TMPO: variants seen among roughly 807,000 people sequenced by gnomAD.
The protein encoded by TMPO is thymopoietin.
Under a neutral mutation model 45.4 loss-of-function variants are expected in TMPO, and 22 were observed. The ratio of observed to expected loss-of-function variants is 0.48; its 90% confidence interval spans 0.35 to 0.69. TMPO has a LOEUF of 0.69. Ranked by LOEUF, TMPO falls within the 30% of genes least tolerant of loss-of-function variation. TMPO has a pLI of 0.01. For missense variants in TMPO, 512 were observed against 548.8 expected (o/e 0.93, Z 0.67); for synonymous variants, 241 against 204.1 (o/e 1.18, Z -1.54).
chr12:98,530,255 T>G (rs937207199), intron 2 of TMPO, among the ~76,000 whole-genome samples: 3 of 151,790 alleles, frequency 2.0e-5, no homozygotes, highest in East Asian at 3.9e-4. Context: ...GAGGATTGCT[T>G]AAGCCCACAA....
At chr12:98,516,776 A>G (rs1267802569) in intron 1 of TMPO, among the ~76,000 whole-genome samples, 2 of 152,182 alleles carry the variant, frequency 1.3e-5, no homozygotes, top group African/African-American at 2.4e-5. Flanking sequence ...ATTTTAAACT[A>G]TATTTTTAGG....
At chr12:98,544,805 C>T in intron 6 of TMPO, 146 bp from the exon 7 acceptor site, 1 of 720,306 alleles carries the variant, frequency 1.4e-6, no homozygotes, top group East Asian at 2.7e-5. Flanking sequence ...ATGTGAGGCA[C>T]TAAGTTGTGT....
intron 1 of TMPO, among the ~76,000 whole-genome samples, chr12:98,527,346 A>C (rs1481344580): frequency 6.7e-6 from 1 of 149,202 alleles, no homozygotes; most frequent in African/African-American, 2.5e-5. Flanking sequence ...AAAAAAAAAA[A>C]AAAACAAAAA....
chr12:98,540,548 T>C (rs1877854383), intron 4 of TMPO, among the ~76,000 whole-genome samples: 1 of 152,098 alleles, frequency 6.6e-6, no homozygotes. Flanking sequence ...CCGGCTAATT[T>C]TGTATTTTTA....
At chr12:98,517,207 A>G (rs1301252536) in intron 1 of TMPO, among the ~76,000 whole-genome samples, 6 of 152,244 alleles carry the variant, frequency 3.9e-5, no homozygotes, top group Non-Finnish European at 7.3e-5. Context: ...GATTCAGGAA[A>G]AATTTATTTC....
At chr12:98,543,457 C>G (rs149265177) in intron 4 of TMPO, among the ~76,000 whole-genome samples, 22 of 152,328 alleles carry the variant, frequency 1.4e-4, no homozygotes, top group Non-Finnish European at 2.6e-4. Context: ...TTAAGAAGAA[C>G]TGATCTAATG....
intron 1 of TMPO, among the ~76,000 whole-genome samples, chr12:98,526,068 TTA>T (rs1222325164): frequency 6.6e-6 from 1 of 152,178 alleles, no homozygotes; most frequent in African/African-American, 2.4e-5. Flanking sequence ...CCTTGGAAAT[TTA>T]TAGTTTTTCC....
intron 4 of TMPO, among the ~76,000 whole-genome samples, chr12:98,543,365 T>C (rs1878039528): frequency 6.6e-6 from 1 of 152,236 alleles, no homozygotes; most frequent in African/African-American, 2.4e-5. Flanking sequence ...CTACTTGGAA[T>C]GCGGAATTTC....
chr12:98,550,049 G>C lies in TMPO; in HGVS notation c.*2191G>C, dbSNP rs1201727081. 1.3e-5 allele frequency: 2 copies of C among 152,268 alleles called. No homozygotes were observed. Among genetic ancestry groups the C allele is most frequent in the Admixed American group, 6.5e-5 (1 of 15,282 alleles). The allele number at this position is 152,268 out of a possible 1,614,324, so 9.4% of individuals were successfully genotyped here. ...TAGAAATTGTGAGAAGCTTCATTTA[G>C]TGTTTAAAAATGTGGGGAGATAAAT... On this transcript the variant is annotated 3_prime_UTR_variant, in exon 9 of 9. Coordinates refer to ENST00000556029, the MANE Select transcript of TMPO (RefSeq NM_001032283.3).
rs770579826 is a variant in TMPO at position 98,547,722 on chromosome 12, C to T, written c.1229C>T (p.Ser410Phe). Reference sequence around the variant, plus strand: ...TCAGAAAAGACAAAAAAGGGACGCTCCATTCCCGTATGGATAAAAATTTTG... The same window carrying T: ...TCAGAAAAGACAAAAAAGGGACGCTTCATTCCCGTATGGATAAAAATTTTG... The part of the protein sequence containing the change: ...VKSEKTKKGR[S>F]IPVWIKILLF... The change falls in exon 9 of 9, where the codon TCC becomes TTC. Residue 410 changes from serine to phenylalanine, a missense_variant. Physicochemically the swap from Ser to Phe is radical, Grantham distance 155. Around this residue, in one of 3 missense-constraint regions of TMPO, gnomAD observed 209 missense variants for 235.1 expected, o/e 0.89. Coordinates refer to ENST00000556029, the MANE Select transcript of TMPO (RefSeq NM_001032283.3). 3.7e-6 allele frequency: 6 copies of T among 1,614,012 alleles called. No homozygotes were observed. Among genetic ancestry groups the T allele is most frequent in the African/African-American group, 1.3e-5 (1 of 74,898 alleles).
intron 2 of TMPO, among the ~76,000 whole-genome samples, chr12:98,528,433 C>T (rs1043315296): frequency 2.0e-5 from 3 of 151,810 alleles, no homozygotes; most frequent in South Asian, 2.1e-4. Context: ...CCCGCTGCCA[C>T]GCCTGGCTAA....
At chr12:98,523,319 C>T (rs1046391109) in intron 1 of TMPO, among the ~76,000 whole-genome samples, 3 of 152,136 alleles carry the variant, frequency 2.0e-5, no homozygotes, top group Non-Finnish European at 2.9e-5. Flanking sequence ...TTTGGGAGGC[C>T]GAGGCAGGTG....
rs1380385924 is a variant in TMPO at position 98,549,468 on chromosome 12, A to G, written c.*1610A>G. On this transcript the variant is annotated 3_prime_UTR_variant, in exon 9 of 9. Transcript: ENST00000556029. ...TGATCCACTGCACCCGGCCGGCATTATGATTTTGTGTACTCTTGAAATGGT... is the reference window on the plus strand; with the variant it reads ...TGATCCACTGCACCCGGCCGGCATTGTGATTTTGTGTACTCTTGAAATGGT... The G allele has an allele frequency of 6.6e-6, 1 of 152,072 alleles. No individual in the cohort carries two copies. The highest frequency in any genetic ancestry group is 1.9e-4 in the East Asian group (1 of 5,186). 9.4% of individuals were successfully genotyped at this position (152,072 alleles called of 1,614,324 possible).
Position 98,548,762 on chromosome 12 carries a change from T to C in TMPO, c.*904T>C, listed in dbSNP as rs1351660150. On this transcript the variant is annotated 3_prime_UTR_variant, in exon 9 of 9. Transcript: ENST00000556029. Reference sequence around the variant, plus strand: ...ATTTGGATTCATTATTGCATTGTCTTGTTACCAGAAACAAATTTTGCCGAG... The same window carrying C: ...ATTTGGATTCATTATTGCATTGTCTCGTTACCAGAAACAAATTTTGCCGAG... 1 of 152,242 alleles carries C rather than the reference T, an allele frequency of 6.6e-6. No individual in the cohort carries two copies. The highest frequency in any genetic ancestry group is 2.4e-5 in the African/African-American group (1 of 41,462). 9.4% of individuals were successfully genotyped at this position (152,242 alleles called of 1,614,324 possible). A position where few individuals can be genotyped will look rare whatever the true frequency, so the allele number is the denominator to read the frequency against.
chr12:98,539,554 A>G (rs1326186452), intron 4 of TMPO, among the ~76,000 whole-genome samples: 1 of 147,202 alleles, frequency 6.8e-6, no homozygotes, highest in East Asian at 2.0e-4. Flanking sequence ...CTCACTTGCA[A>G]CCTCCGCCTC....
intron 1 of TMPO, chr12:98,516,463 G>A: frequency 2.6e-6 from 3 of 1,134,964 alleles, no homozygotes; most frequent in East Asian, 4.6e-5. Flanking sequence ...GCGTTTAGAC[G>A]GGGACTTCCG....
chr12:98,524,922 C>T (rs541931391), intron 1 of TMPO, among the ~76,000 whole-genome samples: 2 of 152,260 alleles, frequency 1.3e-5, no homozygotes, highest in Non-Finnish European at 2.9e-5. Flanking sequence ...ACCTCTCAGG[C>T]GGGTTTGAAA....
chr12:98,531,618 T>G, intron 2 of TMPO, 62 bp from the exon 3 acceptor site: 1 of 1,516,164 alleles, frequency 6.6e-7, no homozygotes, highest in East Asian at 2.3e-5. Context: ...CTGAAGATAG[T>G]GTCTGAGCTG....
At chr12:98,542,612 C>T (rs560302048) in intron 4 of TMPO, among the ~76,000 whole-genome samples, 15 of 152,178 alleles carry the variant, frequency 9.9e-5, no homozygotes, top group South Asian at 4.2e-4. Context: ...CTGTAATCCC[C>T]GCACTTTGGG....
Sources: allele counts gnomAD v4.1 joint callset (sites outside exome capture counted in the v4.1 genomes callset), GRCh38; gene constraint gnomAD v4.1.1; regional missense constraint gnomAD v4.1.1; transcripts MANE v1.5; gene names NCBI Gene and HGNC (gene_info 2026-07-23, HGNC 2026-07-21).